Variants in MLLT10 observed in about 807,000 individuals in gnomAD.
MLLT10 encodes MLLT10 histone lysine methyltransferase DOT1L cofactor, also known as protein AF-10.
MLLT10 carries 30 observed loss-of-function variants against 129.1 expected under a neutral mutation model. The ratio of observed to expected loss-of-function variants is 0.23; its 90% CI spans 0.17 to 0.32. The LOEUF (loss-of-function observed/expected upper bound fraction) is 0.32, where lower values mean the gene tolerates loss of function less well. Ranked by LOEUF, MLLT10 falls within the 10% of genes least tolerant of loss-of-function variation. The pLI is 1.00. For missense variants in MLLT10, 1,119 were observed against 1,268.3 expected, an observed-to-expected ratio of 0.88 and a Z score of 1.79; for synonymous variants, 490 against 446.4, an observed-to-expected ratio of 1.10 and a Z score of -1.23.
Position 21,676,720 on chromosome 10 carries a change from C to CAAAAAAAAAAAA in MLLT10, c.1621+2826_1621+2837dup, listed in dbSNP as rs56000691. Among the ~76,000 whole-genome samples the CAAAAAAAAAAAA allele has an allele frequency of 7.2e-4, 23 of 32,012 alleles. 6 individuals are homozygous for CAAAAAAAAAAAA. Among genetic ancestry groups the CAAAAAAAAAAAA allele is most frequent in the Non-Finnish European group, 9.6e-4 (16 of 16,714 alleles). The allele number at this position is 32,012 out of a possible 152,430, so 21.0% of individuals were successfully genotyped here. A position where few individuals can be genotyped will look rare whatever the true frequency, so the allele number is the denominator to read the frequency against. On this transcript the variant is annotated intron_variant, in intron 11 of 22. Transcript: ENST00000307729. ...TGGGAGACAGAGCGAGACTCCATCT[C>CAAAAAAAAAAAA]AAAAAAAAAAAAAAAAAAAAAAAAA...
At chr10:21,671,018 C>G in intron 10 of MLLT10, 2 of 227,592 alleles carry the variant, frequency 8.8e-6, no homozygotes, top group Non-Finnish European at 1.7e-5. Context: ...GCTTTGAGTT[C>G]TGTAGAACAG....
intron 10 of MLLT10, 35 bp from the exon 11 acceptor site, chr10:21,673,315 C>CCACAA: frequency 4.9e-6 from 3 of 616,716 alleles, no homozygotes; most frequent in Non-Finnish European, 7.0e-6. Flanking sequence ...CCCCACCCCC[C>CCACAA]AACTTTTTTT....
At chr10:21,724,416 T>C (rs1027743377) in intron 14 of MLLT10, among the ~76,000 whole-genome samples, 1 of 152,246 alleles carries the variant, frequency 6.6e-6, no homozygotes, top group Non-Finnish European at 1.5e-5. Context: ...ACTACTGTGT[T>C]GTCTTAGTCT....
rs61561146 is a variant in MLLT10, at chr10:21,593,926, T to TAAAAAAAAA, written c.296-1381_296-1373dup. Among the ~76,000 whole-genome samples the TAAAAAAAAA allele has an allele frequency of 2.2e-4, 10 of 45,426 alleles. 2 individuals carry two copies. The highest frequency in any genetic ancestry group is 1.1e-3 in the African/African-American group (10 of 9,428). 29.8% of individuals were successfully genotyped at this position (45,426 alleles called of 152,430 possible). A position where few individuals can be genotyped will look rare whatever the true frequency, so the allele number is the denominator to read the frequency against. Reference sequence around the variant, plus strand: ...GGGCGACAGACCAAGGCTTTGTCTTTAAAAAAAAAAAAAAAAAAAAAAAAA... The same window carrying TAAAAAAAAA: ...GGGCGACAGACCAAGGCTTTGTCTTTAAAAAAAAAAAAAAAAAAAAAAAAAAAAAAAAAA... On this transcript the variant is annotated intron_variant, in intron 4 of 22. Coordinates refer to ENST00000307729, the MANE Select transcript of MLLT10 (RefSeq NM_001195626.3).
chr10:21,593,171 A>G (rs1460525068), intron 4 of MLLT10, among the ~76,000 whole-genome samples: 1 of 151,278 alleles, frequency 6.6e-6, no homozygotes, highest in Non-Finnish European at 1.5e-5. Context: ...TACAGTTCAC[A>G]GCAACCTTCA....
intron 15 of MLLT10, among the ~76,000 whole-genome samples, chr10:21,726,681 CTTTTTTTTTTTTTTTT>C (rs35036202): frequency 1.1e-5 from 1 of 87,586 alleles, no homozygotes; most frequent in Non-Finnish European, 2.1e-5. Flanking sequence ...TAGCAATGTC[CTTTTTTTTTTTTTTTT>C]TTTTTTTTTA....
At chr10:21,673,243 T>C in intron 10 of MLLT10, 107 bp from the exon 11 acceptor site, 2 of 655,474 alleles carry the variant, frequency 3.1e-6, no homozygotes, top group Admixed American at 6.8e-5. Context: ...TAAACTCTTC[T>C]CTTTAATGAT....
intron 13 of MLLT10, among the ~76,000 whole-genome samples, chr10:21,684,356 C>T (rs2053064002): frequency 6.6e-6 from 1 of 152,120 alleles, no homozygotes; most frequent in African/African-American, 2.4e-5. Flanking sequence ...TCGATGCCTC[C>T]AATTTAGACT....
chr10:21,689,661 ATTTT>A (rs58409865), intron 13 of MLLT10, among the ~76,000 whole-genome samples: 4 of 132,366 alleles, frequency 3.0e-5, no homozygotes, highest in Admixed American at 1.6e-4. Context: ...ATATATATAT[ATTTT>A]TTTTTTCTTG....
At chr10:21,683,239 A>G (rs2052931553) in intron 13 of MLLT10, among the ~76,000 whole-genome samples, 1 of 152,022 alleles carries the variant, frequency 6.6e-6, no homozygotes, top group Non-Finnish European at 1.5e-5. Context: ...CTTATAAGTT[A>G]TTTTTTATTA....
At chr10:21,665,828 A>G (rs1396640101) in intron 9 of MLLT10, among the ~76,000 whole-genome samples, 1 of 152,006 alleles carries the variant, frequency 6.6e-6, no homozygotes, top group Non-Finnish European at 1.5e-5. Flanking sequence ...TCCTGGGTTC[A>G]AGCGATCTCC....
intron 11 of MLLT10, among the ~76,000 whole-genome samples, chr10:21,675,341 T>TC (rs956728264): frequency 6.6e-6 from 1 of 152,118 alleles, no homozygotes; most frequent in African/African-American, 2.4e-5. Flanking sequence ...TTTACCAGAA[T>TC]CCCCAGTCCC....
chr10:21,678,970 A>G (rs2052469827), intron 11 of MLLT10, among the ~76,000 whole-genome samples: 1 of 152,196 alleles, frequency 6.6e-6, no homozygotes, highest in Non-Finnish European at 1.5e-5. Context: ...ATTATTGGCT[A>G]AAAGCATCAG....
intron 8 of MLLT10, among the ~76,000 whole-genome samples, chr10:21,646,835 G>T (rs566233911): frequency 1.3e-5 from 2 of 150,260 alleles, no homozygotes; most frequent in Non-Finnish European, 3.0e-5. Context: ...ACAGTTTTCC[G>T]AAATCTCTGA....
At chr10:21,664,986 C>T (rs373350072) in intron 9 of MLLT10, among the ~76,000 whole-genome samples, 10 of 146,114 alleles carry the variant, frequency 6.8e-5, no homozygotes, top group African/African-American at 2.3e-4. Context: ...CGCTCTGTCA[C>T]CCCGGCTGGA....
At chr10:21,646,808 A>T (rs1208883558) in intron 8 of MLLT10, among the ~76,000 whole-genome samples, 1 of 151,894 alleles carries the variant, frequency 6.6e-6, no homozygotes, top group Non-Finnish European at 1.5e-5. Flanking sequence ...TGAACTACAC[A>T]CAAAGCTCAT....
chr10:21,725,598 C>A lies in MLLT10; in HGVS notation c.1879-646C>A, dbSNP rs2057430735. Among the ~76,000 whole-genome samples the A allele has an allele frequency of 5.3e-5, 8 of 151,282 alleles. No individual in the cohort carries two copies. In the South Asian group the frequency reaches 1.7e-3, roughly 32 times the overall value. On this transcript the variant is annotated intron_variant, in intron 14 of 22. Transcript: ENST00000307729. ...TAGCTGGGCGTGGTGGCGGGCGCCTCCTGTAATCCCAGCCACTGGGAAGTC... is the reference window on the plus strand; with the variant it reads ...TAGCTGGGCGTGGTGGCGGGCGCCTACTGTAATCCCAGCCACTGGGAAGTC...
chr10:21,651,908 T>TC (rs1283096203), intron 9 of MLLT10, 140 bp downstream of exon 9: 2 of 448,444 alleles, frequency 4.5e-6, no homozygotes, highest in Non-Finnish European at 7.6e-6. Flanking sequence ...CATTTCTTTT[T>TC]TTTTTTTTTT....
chr10:21,609,328 TTATGCACAGTC>T (rs1333261169), intron 5 of MLLT10, among the ~76,000 whole-genome samples: 1 of 152,228 alleles, frequency 6.6e-6, no homozygotes, highest in Non-Finnish European at 1.5e-5. Context: ...ACAATTGAGC[TTATGCACAGTC>T]TTTTGACCGT....
Sources: allele counts gnomAD v4.1 joint callset (sites outside exome capture counted in the v4.1 genomes callset), GRCh38; gene constraint gnomAD v4.1.1; transcripts MANE v1.5; gene names NCBI Gene and HGNC (gene_info 2026-07-23, HGNC 2026-07-21).